Variants in UBE3D observed in about 807,000 individuals in gnomAD.
The protein encoded by UBE3D is E3 ubiquitin-protein ligase E3D.
UBE3D carries 48 observed loss-of-function variants against 49.6 expected under a neutral mutation model. The observed-to-expected ratio is 0.97, with a 90% CI of 0.77 to 1.23. The LOEUF is 1.23. Ranked by LOEUF, UBE3D falls within the 50% of genes most tolerant of loss-of-function variation. The pLI, the probability that UBE3D is intolerant of heterozygous loss-of-function variation, is 0.00. For missense variants in UBE3D, 452 were observed against 468.4 expected (o/e 0.96, Z 0.32); for synonymous variants, 189 against 174.2 (o/e 1.08, Z -0.67).
chr6:82,934,134 A>G (rs988854473), intron 9 of UBE3D, among the ~76,000 whole-genome samples: 1 of 152,124 alleles, frequency 6.6e-6, no homozygotes, highest in African/African-American at 2.4e-5. Context: ...TGATGGTTTT[A>G]TAAGTGTTTC....
chr6:82,975,143 TC>T (rs1287956127), intron 8 of UBE3D, among the ~76,000 whole-genome samples: 1 of 152,160 alleles, frequency 6.6e-6, no homozygotes, highest in Non-Finnish European at 1.5e-5. Context: ...GGATATGAGT[TC>T]ATCTCTTTAT....
the UBE3D span, among the ~76,000 whole-genome samples, chr6:82,886,519 C>T: frequency 8.8e-4 from 134 of 152,246 alleles, 1 homozygote; most frequent in African/African-American, 3.2e-3. Flanking sequence ...GGTTGGAGAC[C>T]CCTGATGTAG....
At chr6:82,935,324 C>G (rs954294979) in intron 9 of UBE3D, among the ~76,000 whole-genome samples, 2 of 152,032 alleles carry the variant, frequency 1.3e-5, no homozygotes, top group Admixed American at 6.6e-5. Context: ...CTAGCCCATG[C>G]CATTCATGAG....
chr6:82,920,606 T>C (rs528505465), intron 9 of UBE3D, among the ~76,000 whole-genome samples: 1 of 152,310 alleles, frequency 6.6e-6, no homozygotes, highest in African/African-American at 2.4e-5. Flanking sequence ...CTCTTTACTA[T>C]GGGAATGGTA....
At chr6:82,915,713 T>C (rs148432302) in intron 9 of UBE3D, among the ~76,000 whole-genome samples, 1 of 152,364 alleles carries the variant, frequency 6.6e-6, no homozygotes, top group East Asian at 1.9e-4. Context: ...CAAACAGTAA[T>C]GTTCCAGGTG....
Position 82,892,819 on chromosome 6 carries a change from C to T in UBE3D, c.*203G>A. ...CTGCTACTATGACTTTCTTCACAGT[C>T]CTGGGTTTTCAAAGATCTAAAGTTA... On this transcript the variant is annotated 3_prime_UTR_variant, in exon 10 of 10. Transcript: ENST00000369747. 1.6e-6 allele frequency: 1 copy of T among 619,458 alleles called. No homozygotes were observed. Among genetic ancestry groups the T allele is most frequent in the African/African-American group, 1.8e-5 (1 of 54,480 alleles). The allele number at this position is 619,458 out of a possible 1,614,324, so 38.4% of individuals were successfully genotyped here.
intron 8 of UBE3D, among the ~76,000 whole-genome samples, chr6:82,984,999 C>CCT (rs1397832019): frequency 1.0e-5 from 1 of 98,472 alleles, no homozygotes; most frequent in Non-Finnish European, 2.0e-5. Flanking sequence ...TTTCTTTCTT[C>CCT]TTCTTCTTCT....
chr6:83,065,720 G>C lies in UBE3D; in HGVS notation c.-2C>G. 6.2e-7 allele frequency: 1 copy of C among 1,610,398 alleles called. No homozygotes were observed. The highest frequency in any genetic ancestry group is 1.1e-5 in the South Asian group (1 of 90,392). ...CGTCTCCGCCGCAGAAGCCGCCATG[G>C]CAGGCTTCCAGTCCCAGACCGGACC... On this transcript the variant is annotated 5_prime_UTR_variant, in exon 1 of 10. Transcript: ENST00000369747.
At chr6:82,998,120 T>C (rs1026540057) in intron 8 of UBE3D, among the ~76,000 whole-genome samples, 1 of 152,236 alleles carries the variant, frequency 6.6e-6, no homozygotes, top group South Asian at 2.1e-4. Context: ...CATAGGTACC[T>C]GGGACAAGCA....
At chr6:83,034,579 A>G (rs1208484748) in intron 5 of UBE3D, among the ~76,000 whole-genome samples, 1 of 152,044 alleles carries the variant, frequency 6.6e-6, no homozygotes, top group Non-Finnish European at 1.5e-5. Context: ...GTGGTCTCTA[A>G]TGGTTTAGCA....
chr6:82,901,264 TAA>T (rs200049918), intron 9 of UBE3D, among the ~76,000 whole-genome samples: 2 of 145,280 alleles, frequency 1.4e-5, no homozygotes, highest in African/African-American at 2.5e-5. Context: ...CTGCATCACT[TAA>T]AAAAAAAAAA....
chr6:82,939,072 A>G (rs1774810781), intron 9 of UBE3D, among the ~76,000 whole-genome samples: 1 of 152,208 alleles, frequency 6.6e-6, no homozygotes, highest in Admixed American at 6.5e-5. Flanking sequence ...TAAAAAAAAA[A>G]AAAAGAACGA....
intron 2 of UBE3D, among the ~76,000 whole-genome samples, chr6:83,056,773 A>AC (rs1009912302): frequency 1.3e-5 from 2 of 151,976 alleles, no homozygotes; most frequent in Non-Finnish European, 2.9e-5. Flanking sequence ...ACTCCTCCTG[A>AC]CCCCATCTCC....
the UBE3D span, among the ~76,000 whole-genome samples, chr6:82,884,215 CCT>C: frequency 1.3e-5 from 2 of 152,270 alleles, no homozygotes; most frequent in South Asian, 4.2e-4. Flanking sequence ...TCAACCTTCT[CCT>C]TCCATCTATA....
chr6:82,898,681 G>A (rs1007912679), intron 9 of UBE3D, among the ~76,000 whole-genome samples: 1 of 151,408 alleles, frequency 6.6e-6, no homozygotes, highest in Non-Finnish European at 1.5e-5. Flanking sequence ...CTGTTGGGGG[G>A]TAGGGGGCTA....
chr6:82,940,173 A>G (rs1016033238), intron 9 of UBE3D, among the ~76,000 whole-genome samples: 66 of 152,210 alleles, frequency 4.3e-4, no homozygotes, highest in African/African-American at 1.6e-3. Context: ...TCTCTAGAGT[A>G]TGGCAAAAAG....
At chr6:82,956,556 C>A (rs899862349) in intron 9 of UBE3D, among the ~76,000 whole-genome samples, 2 of 152,064 alleles carry the variant, frequency 1.3e-5, no homozygotes, top group Non-Finnish European at 2.9e-5. Context: ...GAAAGTAGAA[C>A]CCTGTTAAAT....
chr6:82,959,975 C>T (rs776902994), intron 8 of UBE3D, among the ~76,000 whole-genome samples: 4 of 152,054 alleles, frequency 2.6e-5, no homozygotes, highest in Non-Finnish European at 4.4e-5. Context: ...CTTGCAGTCC[C>T]GGGAAGAAAA....
intron 4 of UBE3D, among the ~76,000 whole-genome samples, chr6:83,042,349 G>C: frequency 6.6e-6 from 1 of 152,172 alleles, no homozygotes; most frequent in East Asian, 1.9e-4. Flanking sequence ...CTCCAATAAA[G>C]TATTATAAAC....
Sources: gnomAD v4.1 joint callset for allele counts (sites outside exome capture counted in the v4.1 genomes callset) on GRCh38, gnomAD v4.1.1 for gene constraint, MANE v1.5 for transcripts, NCBI Gene and HGNC (gene_info 2026-07-23, HGNC 2026-07-21) for gene names.